CHD1L: variants seen among roughly 807,000 people sequenced by gnomAD.
The protein encoded by CHD1L is chromodomain helicase DNA binding protein 1 like.
CHD1L carries 118 observed loss-of-function variants against 115.9 expected under a neutral mutation model. That is an observed-to-expected ratio of 1.02 (90% confidence interval 0.88 to 1.19). The LOEUF is 1.19. Ranked by LOEUF, CHD1L falls within the 50% of genes most tolerant of loss-of-function variation. CHD1L has a pLI of 0.00. For synonymous variants in CHD1L, 411 were observed against 387.1 expected, an observed-to-expected ratio of 1.06 and a Z score of -0.72; for missense variants, 1,179 against 1,065.3, an observed-to-expected ratio of 1.11 and a Z score of -1.49.
In CHD1L at chr1:147,284,475, C is replaced by T; in HGVS notation, c.1830C>T (p.Gly610=). 6.2e-7 allele frequency: 1 copy of T among 1,603,214 alleles called. No individual in the cohort carries two copies. Among genetic ancestry groups the T allele is most frequent in the Non-Finnish European group, 8.5e-7 (1 of 1,176,838 alleles). The change falls in exon 16 of 23, where the codon GGC becomes GGT. Residue 610 remains glycine, a synonymous_variant. Transcript: ENST00000369258. ...KTLLEKASQE[G]RSLRNKGSVL... ...TTTTGGAGAAAGCTAGTCAAGAGGG[C>T]CGATCACTCCGAAATAAAGGCAGTG...
the CHD1L span, among the ~76,000 whole-genome samples, chr1:147,196,878 C>G: frequency 6.6e-6 from 1 of 152,108 alleles, no homozygotes; most frequent in African/African-American, 2.4e-5. Context: ...TCATTTAAGT[C>G]TGGCTCCTCC....
At chr1:147,201,358 AC>A in the CHD1L span, 3 of 1,614,066 alleles carry the variant, frequency 1.9e-6, no homozygotes, top group Non-Finnish European at 2.5e-6. Context: ...GGCAAAGATA[AC>A]AGCATCAATG....
At chr1:147,229,558 T>G in the CHD1L span, among the ~76,000 whole-genome samples, 17 of 152,218 alleles carry the variant, frequency 1.1e-4, no homozygotes, top group East Asian at 3.1e-3. Flanking sequence ...AGTCATTGGT[T>G]GCTTGATGGG....
At chr1:147,285,621 T>A in intron 17 of CHD1L, 134 bp downstream of exon 17, 1 of 1,013,518 alleles carries the variant, frequency 9.9e-7, no homozygotes, top group Middle Eastern at 3.4e-4. Flanking sequence ...CAGAATACTT[T>A]CTGAAAACAT....
the CHD1L span, among the ~76,000 whole-genome samples, chr1:147,235,543 G>A: frequency 2.6e-5 from 4 of 152,124 alleles, no homozygotes; most frequent in African/African-American, 9.7e-5. Context: ...GGGGATAGAG[G>A]TGGGGAACCC....
chr1:147,275,587 T>C, intron 13 of CHD1L, 119 bp downstream of exon 13: 1 of 731,796 alleles, frequency 1.4e-6, no homozygotes, highest in South Asian at 1.7e-5. Context: ...CACCAGGTTT[T>C]AGCTCATCTG....
At chr1:147,217,129 A>G in the CHD1L span, among the ~76,000 whole-genome samples, 6 of 152,114 alleles carry the variant, frequency 3.9e-5, no homozygotes, top group African/African-American at 1.4e-4. Context: ...AATCCCAGCT[A>G]GTCGGGGGGC....
chr1:147,183,090 T>G, the CHD1L span, among the ~76,000 whole-genome samples: 2 of 151,934 alleles, frequency 1.3e-5, no homozygotes, highest in African/African-American at 2.4e-5. Context: ...CCCAGCTACA[T>G]GGGATGCTGA....
At chr1:147,184,687 C>T in the CHD1L span, 2 of 1,437,648 alleles carry the variant, frequency 1.4e-6, no homozygotes, top group Non-Finnish European at 1.8e-6. The surrounding 1 kb of genome is among the most constrained non-coding windows in gnomAD (Gnocchi z 4.4). Context: ...CTTCTCATCA[C>T]TTCATCTCAA....
intron 1 of CHD1L, 47 bp from the exon 2 acceptor site, chr1:147,252,576 G>A: frequency 1.4e-6 from 2 of 1,425,876 alleles, no homozygotes; most frequent in Admixed American, 1.7e-5. Flanking sequence ...GCCTCTGCAT[G>A]TACTGAAATG....
At chr1:147,229,911 T>C in the CHD1L span, among the ~76,000 whole-genome samples, 1 of 151,674 alleles carries the variant, frequency 6.6e-6, no homozygotes, top group Non-Finnish European at 1.5e-5. Flanking sequence ...GATTTTGGGC[T>C]GAGACAATGG....
At chr1:147,285,905 C>A (rs1448558819) in intron 17 of CHD1L, among the ~76,000 whole-genome samples, 1 of 152,030 alleles carries the variant, frequency 6.6e-6, no homozygotes, top group Non-Finnish European at 1.5e-5. Flanking sequence ...ACGGTGTTGC[C>A]TAGGCTGGTC....
chr1:147,232,761 G>A, the CHD1L span, among the ~76,000 whole-genome samples: 5 of 152,208 alleles, frequency 3.3e-5, no homozygotes, highest in African/African-American at 1.2e-4. Context: ...TCGGCCTCTG[G>A]AGGTGCCGGG....
At chr1:147,193,881 A>G in the CHD1L span, among the ~76,000 whole-genome samples, 1 of 152,074 alleles carries the variant, frequency 6.6e-6, no homozygotes, top group South Asian at 2.1e-4. Flanking sequence ...ACAGTTTGTT[A>G]TAATTTCTGT....
chr1:147,183,954 A>G, the CHD1L span, among the ~76,000 whole-genome samples: 1 of 152,208 alleles, frequency 6.6e-6, no homozygotes, highest in African/African-American at 2.4e-5. Context: ...AATAAAGAAC[A>G]TATCTAAGTG....
At chr1:147,253,495 G>A (rs1553937818) in intron 2 of CHD1L, among the ~76,000 whole-genome samples, 2 of 152,134 alleles carry the variant, frequency 1.3e-5, no homozygotes, top group African/African-American at 4.8e-5. Context: ...TGCAATGCGT[G>A]TTTTGCATGA....
chr1:147,231,229 AG>A, the CHD1L span, among the ~76,000 whole-genome samples: 1 of 152,188 alleles, frequency 6.6e-6, no homozygotes, highest in African/African-American at 2.4e-5. Context: ...TTGGTTTCAA[AG>A]AACCTCTTTA....
At chr1:147,227,446 C>A in the CHD1L span, among the ~76,000 whole-genome samples, 2 of 152,136 alleles carry the variant, frequency 1.3e-5, no homozygotes, top group African/African-American at 2.4e-5. Flanking sequence ...TTAATGTCCC[C>A]CTACTTCAAT....
chr1:147,270,924 C>T lies in CHD1L; in HGVS notation c.1086-8C>T, dbSNP rs782087153. 1 of 1,613,534 alleles carries T rather than the reference C, an allele frequency of 6.2e-7. No individual in the cohort carries two copies. The highest frequency in any genetic ancestry group is 8.5e-7 in the Non-Finnish European group (1 of 1,179,644). ...CTTGGCAGTGTTTCCTTTTCTTTTTCTTGCCAGGGGCCATCGGGTTTTACT... is the reference window on the plus strand; with the variant it reads ...CTTGGCAGTGTTTCCTTTTCTTTTTTTTGCCAGGGGCCATCGGGTTTTACT... On this transcript the variant is annotated splice_region_variant and splice_polypyrimidine_tract_variant and intron_variant, in intron 10 of 22. Transcript: ENST00000369258.
Sources: allele counts gnomAD v4.1 joint callset (sites outside exome capture counted in the v4.1 genomes callset), GRCh38; gene constraint gnomAD v4.1.1; non-coding constraint Gnocchi (gnomAD v3.1); transcripts MANE v1.5; gene names NCBI Gene and HGNC (gene_info 2026-07-23, HGNC 2026-07-21).